Variants in PHACTR3 observed in about 807,000 individuals in gnomAD.
The protein encoded by PHACTR3 is protein phosphatase 1, regulatory subunit 123.
A neutral mutation model predicts 66.8 loss-of-function variants in PHACTR3; 16 were observed. The observed-to-expected ratio is 0.24, with a 90% CI of 0.16 to 0.36. The LOEUF (loss-of-function observed/expected upper bound fraction) is 0.36, where lower values mean the gene tolerates loss of function less well. Among genes scored for constraint, PHACTR3 ranks in the 10% least tolerant of loss-of-function variants. The probability of loss-of-function intolerance (pLI) is 1.00; values close to 1 mark genes in which losing one functional copy is unlikely to be tolerated. For missense variants in PHACTR3, 647 were observed against 719.9 expected, an observed-to-expected ratio of 0.90 and a Z score of 1.16; for synonymous variants, 323 against 292.1, an observed-to-expected ratio of 1.11 and a Z score of -1.08.
intron 1 of PHACTR3, among the ~76,000 whole-genome samples, chr20:59,710,310 G>C (rs2037866489): frequency 6.6e-6 from 1 of 152,098 alleles, no homozygotes; most frequent in Non-Finnish European, 1.5e-5. Flanking sequence ...GAGTCTACCA[G>C]GCTCTAAGCA....
chr20:59,806,291 G>A (rs1171570735), intron 8 of PHACTR3, 97 bp downstream of exon 8: 14 of 1,466,960 alleles, frequency 9.5e-6, no homozygotes, highest in South Asian at 6.7e-5. Context: ...AGGCCGGGAC[G>A]CACAACCCAC....
Position 59,743,166 on chromosome 20 carries a change from C to G in PHACTR3, c.178C>G (p.Pro60Ala). Residue 60 changes from proline (P) to alanine (A), a missense_variant, in exon 2 of 13, where the codon CCC (proline) becomes GCC (alanine). By Grantham distance (27) the Pro-to-Ala change is conservative. This residue lies in a region of PHACTR3 where 577 missense variants were observed against 571.1 expected (regional missense o/e 1.01). Transcript: ENST00000371015. ...ATATCTGGTCTCAGGGATTCGAACT[C>G]CCCCTGTGAGGAGGAACAGCAAACT... ...PEYLVSGIRT[P>A]PVRRNSKLAT... 16 of 1,614,086 alleles carry G rather than the reference C, an allele frequency of 9.9e-6. No homozygotes were observed. The highest frequency in any genetic ancestry group is 1.3e-5 in the Non-Finnish European group (15 of 1,179,978).
At chr20:59,754,702 T>G (rs1248793954) in intron 3 of PHACTR3, among the ~76,000 whole-genome samples, 1 of 152,240 alleles carries the variant, frequency 6.6e-6, no homozygotes, top group East Asian at 1.9e-4. Flanking sequence ...CCCGTGGGTC[T>G]GCTGACTCCA....
In PHACTR3 at chr20:59,842,017, T is replaced by C. The variant is rs183771328; in HGVS notation, c.1587+482T>C. ...GAGGCATTCAAGAAAGCCTCTACAGTATAGAAAAGGTTCTAGATTCTCCCC... is the reference window on the plus strand; with the variant it reads ...GAGGCATTCAAGAAAGCCTCTACAGCATAGAAAAGGTTCTAGATTCTCCCC... On this transcript the variant is annotated intron_variant, in intron 11 of 12. Coordinates refer to ENST00000371015, the MANE Select transcript of PHACTR3 (RefSeq NM_080672.5). Among the ~76,000 whole-genome samples the C allele has an allele frequency of 3.1e-4, 47 of 152,280 alleles. No homozygotes were observed. In the East Asian group the frequency reaches 7.5e-3, roughly 24 times the overall value.
intron 1 of PHACTR3, among the ~76,000 whole-genome samples, chr20:59,729,547 G>A (rs527252925): frequency 1.2e-4 from 19 of 152,206 alleles, no homozygotes; most frequent in African/African-American, 4.1e-4. Flanking sequence ...TCTGCTAGCC[G>A]GGCTGGCCCT....
At chr20:59,763,124 G>T (rs1017724160) in intron 4 of PHACTR3, among the ~76,000 whole-genome samples, 1 of 152,194 alleles carries the variant, frequency 6.6e-6, no homozygotes, top group Non-Finnish European at 1.5e-5. Flanking sequence ...TCACAGGGGG[G>T]CAGTTTCCTC....
At chr20:59,694,767 C>A (rs1413776192) in intron 1 of PHACTR3, among the ~76,000 whole-genome samples, 2 of 152,036 alleles carry the variant, frequency 1.3e-5, no homozygotes, top group Non-Finnish European at 2.9e-5. Context: ...GTTCTAGTTT[C>A]AGCTGATGAA....
At chr20:59,622,084 G>T (rs2034261378) in intron 1 of PHACTR3, among the ~76,000 whole-genome samples, 1 of 152,050 alleles carries the variant, frequency 6.6e-6, no homozygotes, top group South Asian at 2.1e-4. Context: ...ATATGTGTGT[G>T]TATGTGCATG....
chr20:59,802,641 G>T (rs1435748349), intron 7 of PHACTR3, among the ~76,000 whole-genome samples: 1 of 152,148 alleles, frequency 6.6e-6, no homozygotes, highest in Non-Finnish European at 1.5e-5. Context: ...GTTCCTGCTT[G>T]GTGAGGTGGA....
chr20:59,705,352 A>G (rs1288927574), intron 1 of PHACTR3, among the ~76,000 whole-genome samples: 1 of 152,166 alleles, frequency 6.6e-6, no homozygotes, highest in African/African-American at 2.4e-5. Flanking sequence ...TTTTATTTCT[A>G]TGTGTTTAAT....
Position 59,604,846 on chromosome 20 carries a change from C to T in PHACTR3, c.-169C>T, listed in dbSNP as rs946908213. The T allele has an allele frequency of 3.3e-6, 4 of 1,208,162 alleles. No individual in the cohort carries two copies. The highest frequency in any genetic ancestry group is 4.3e-5 in the South Asian group (1 of 23,188). The allele number at this position is 1,208,162 out of a possible 1,614,324, so 74.8% of individuals were successfully genotyped here. A position where few individuals can be genotyped will look rare whatever the true frequency, so the allele number is the denominator to read the frequency against. On this transcript the variant is annotated 5_prime_UTR_variant, in exon 1 of 13. Coordinates refer to ENST00000371015, the MANE Select transcript of PHACTR3 (RefSeq NM_080672.5). ...CTCCCCGCCCTGAAGCCAGCCCCGG[C>T]GTCTTTCTCCAGCTCGTTTCCTTTC...
At chr20:59,805,977 G>A (rs925479098) in intron 7 of PHACTR3, 64 bp from the exon 8 acceptor site, 8 of 1,534,184 alleles carry the variant, frequency 5.2e-6, no homozygotes, top group East Asian at 2.3e-5. Flanking sequence ...TGACAAGCCA[G>A]CCCTCCGCTA....
At chr20:59,626,350 G>T (rs2034446302) in intron 1 of PHACTR3, 1 of 152,454 alleles carries the variant, frequency 6.6e-6, no homozygotes, top group Non-Finnish European at 1.5e-5. Context: ...TGCCTGGAGT[G>T]ATGATAAAGT....
intron 7 of PHACTR3, among the ~76,000 whole-genome samples, chr20:59,781,837 T>C (rs532301703): frequency 6.6e-6 from 1 of 152,286 alleles, no homozygotes; most frequent in East Asian, 1.9e-4. Context: ...AGGGGGGTTC[T>C]AGTGCTGGTG....
chr20:59,708,222 G>T (rs532228201), intron 1 of PHACTR3, among the ~76,000 whole-genome samples: 1 of 152,338 alleles, frequency 6.6e-6, no homozygotes, highest in South Asian at 2.1e-4. Context: ...ATCAGGATAA[G>T]CTGGGCACGT....
At chr20:59,710,404 G>A (rs1404099251) in intron 1 of PHACTR3, among the ~76,000 whole-genome samples, 1 of 152,136 alleles carries the variant, frequency 6.6e-6, no homozygotes, top group Non-Finnish European at 1.5e-5. Flanking sequence ...TTTGAAGCTT[G>A]TTTTGTTTCT....
intron 8 of PHACTR3, among the ~76,000 whole-genome samples, chr20:59,833,337 C>T (rs181919036): frequency 6.6e-5 from 10 of 152,328 alleles, no homozygotes; most frequent in South Asian, 2.1e-4. Context: ...TTGATGTCCA[C>T]GCTTTCCTGA....
intron 7 of PHACTR3, among the ~76,000 whole-genome samples, chr20:59,783,124 A>C (rs61404018): frequency 0.028 from 4,305 of 152,338 alleles, 148 homozygotes; most frequent in East Asian, 0.17. Context: ...ACTCCCCCAC[A>C]GTCGTCTCCA....
chr20:59,623,959 T>C lies in PHACTR3; in HGVS notation c.118+18827T>C, dbSNP rs1299897775. On this transcript the variant is annotated intron_variant, in intron 1 of 12. Coordinates refer to ENST00000371015, the MANE Select transcript of PHACTR3 (RefSeq NM_080672.5). The stretch of plus-strand genomic sequence containing the variant: ...ACTTCTGCTTTGGTGCCCATGGGCG[T>C]TGTGTAGAGAAGGTGTCCTGTTTTG... Among the ~76,000 whole-genome samples the C allele has an allele frequency of 2.0e-4, 31 of 152,100 alleles. 1 individual carries two copies. The highest frequency in any genetic ancestry group is 2.0e-3 in the Admixed American group (31 of 15,276).
Sources: allele counts gnomAD v4.1 joint callset (sites outside exome capture counted in the v4.1 genomes callset), GRCh38; gene constraint gnomAD v4.1.1; regional missense constraint gnomAD v4.1.1; transcripts MANE v1.5; gene names NCBI Gene and HGNC (gene_info 2026-07-23, HGNC 2026-07-21).